RNF38: variants seen among roughly 807,000 people sequenced by gnomAD.
RNF38 encodes the protein ring finger protein 38.
In RNF38, 15 loss-of-function variants were observed where a neutral mutation model predicts 67.2. That is an observed-to-expected ratio of 0.22 (90% CI 0.15 to 0.34). The LOEUF (loss-of-function observed/expected upper bound fraction) is 0.34, where lower values mean the gene tolerates loss of function less well. Ranked by LOEUF, RNF38 falls within the 10% of genes least tolerant of loss-of-function variation. RNF38 has a pLI of 1.00. For synonymous variants in RNF38, 220 were observed against 218.8 expected (o/e 1.01, Z -0.05); for missense variants, 524 against 639.9 (o/e 0.82, Z 1.95).
chr9:36,410,839 G>A (rs1419037082), intron 2 of RNF38, among the ~76,000 whole-genome samples: 3 of 152,214 alleles, frequency 2.0e-5, no homozygotes, highest in African/African-American at 7.2e-5. Flanking sequence ...GAGTCTGAAA[G>A]TAGTCTAGGA....
At chr9:36,445,890 G>A (rs1839289638) in intron 1 of RNF38, among the ~76,000 whole-genome samples, 1 of 152,292 alleles carries the variant, frequency 6.6e-6, no homozygotes, top group Middle Eastern at 3.4e-3. Flanking sequence ...TCAACTATCA[G>A]GCTCAAACGA....
chr9:36,362,317 C>A (rs1312165027), intron 4 of RNF38, among the ~76,000 whole-genome samples: 1 of 151,168 alleles, frequency 6.6e-6, no homozygotes, highest in African/African-American at 2.4e-5. Flanking sequence ...AAGATCGAGC[C>A]ATTGCACTCC....
chr9:36,347,799 C>T (rs1033934921), intron 9 of RNF38, among the ~76,000 whole-genome samples: 4 of 152,106 alleles, frequency 2.6e-5, no homozygotes, highest in African/African-American at 7.2e-5. Context: ...ATGATTAGGC[C>T]GGGCACAGTG....
chr9:36,425,151 A>G (rs528148774), intron 1 of RNF38, among the ~76,000 whole-genome samples: 2 of 152,372 alleles, frequency 1.3e-5, no homozygotes, highest in African/African-American at 4.8e-5. Context: ...ATTATTTTAA[A>G]TGTATACCAA....
chr9:36,367,539 G>A (rs1284663277), intron 4 of RNF38, among the ~76,000 whole-genome samples: 1 of 151,618 alleles, frequency 6.6e-6, no homozygotes, highest in African/African-American at 2.4e-5. Context: ...ACATCACTAG[G>A]TATATTAAAA....
At chr9:36,388,772 ATTC>A (rs1182589223) in intron 2 of RNF38, among the ~76,000 whole-genome samples, 1 of 152,212 alleles carries the variant, frequency 6.6e-6, no homozygotes, top group Non-Finnish European at 1.5e-5. Flanking sequence ...AAAACAGATT[ATTC>A]TAAAAAGAAG....
intron 2 of RNF38, among the ~76,000 whole-genome samples, chr9:36,410,641 C>A (rs1455325288): frequency 6.6e-6 from 1 of 152,228 alleles, no homozygotes; most frequent in Admixed American, 6.5e-5. Flanking sequence ...CTGAGGCCTG[C>A]GGATAAGACA....
In RNF38 at chr9:36,465,081, C is replaced by A. The variant is rs149404707; in HGVS notation, n.241+22227G>T. On this transcript the variant is annotated intron_variant and non_coding_transcript_variant, in intron 1 of 3. Transcript: ENST00000488058. ...TACCACTTCCCACCCACTAGGAGGGCTATAATCAAAAAGACAGATAACAGA... is the reference window on the plus strand; with the variant it reads ...TACCACTTCCCACCCACTAGGAGGGATATAATCAAAAAGACAGATAACAGA... Among the ~76,000 whole-genome samples, 1,354 of 152,234 alleles carry A rather than the reference C, an allele frequency of 8.9e-3. 13 individuals are homozygous for A. The highest frequency in any genetic ancestry group is 0.014 in the Non-Finnish European group (960 of 68,002).
At chr9:36,406,112 A>G (rs559555748), upstream of RNF38, among the ~76,000 whole-genome samples, 127 of 152,304 alleles carry the variant, frequency 8.3e-4, 1 homozygote, top group Non-Finnish European at 1.5e-3. Flanking sequence ...AAGCTCCTCA[A>G]GTCTCAGTTC....
At chr9:36,386,708 A>G (rs1375388078) in intron 2 of RNF38, among the ~76,000 whole-genome samples, 2 of 152,224 alleles carry the variant, frequency 1.3e-5, no homozygotes, top group Non-Finnish European at 1.5e-5. Context: ...CAAGATGGTG[A>G]TGACAATGAC....
chr9:36,400,861 C>A (rs1364187107), upstream of RNF38: 3 of 985,026 alleles, frequency 3.0e-6, no homozygotes, highest in Non-Finnish European at 3.6e-6. Flanking sequence ...GGCCCCGTCC[C>A]GCAACACCGC....
At chr9:36,397,814 G>A (rs1273914652) in intron 1 of RNF38, among the ~76,000 whole-genome samples, 1 of 152,064 alleles carries the variant, frequency 6.6e-6, no homozygotes, top group Non-Finnish European at 1.5e-5. Context: ...ATCTAAATTT[G>A]CCTACACAAA....
chr9:36,423,546 T>G (rs1273084675), intron 2 of RNF38, among the ~76,000 whole-genome samples: 1 of 152,006 alleles, frequency 6.6e-6, no homozygotes, highest in African/African-American at 2.4e-5. Context: ...AAATTGATGG[T>G]GAAAAAGACT....
At chr9:36,378,242 T>C (rs987339974) in intron 2 of RNF38, among the ~76,000 whole-genome samples, 31 of 147,398 alleles carry the variant, frequency 2.1e-4, no homozygotes, top group African/African-American at 7.5e-4. Context: ...AGTGACGCCA[T>C]CTTGGCTCAC....
chr9:36,484,105 C>T (rs1221653211), intron 1 of RNF38, among the ~76,000 whole-genome samples: 1 of 152,206 alleles, frequency 6.6e-6, no homozygotes, highest in Non-Finnish European at 1.5e-5. Flanking sequence ...GGTTCTCAAA[C>T]TTTAGTGGGC....
At chr9:36,393,484 T>TGTGTGTGTGC (rs1837278776) in intron 1 of RNF38, among the ~76,000 whole-genome samples, 1 of 129,512 alleles carries the variant, frequency 7.7e-6, no homozygotes, top group Admixed American at 7.4e-5. Flanking sequence ...ACATTGTGTG[T>TGTGTGTGTGC]GTGTGTGTGT....
chr9:36,458,957 C>T (rs1197702511), intron 1 of RNF38, among the ~76,000 whole-genome samples: 4 of 152,086 alleles, frequency 2.6e-5, no homozygotes, highest in Non-Finnish European at 5.9e-5. Flanking sequence ...CACCTGTAAT[C>T]CCAGCACTTT....
chr9:36,362,449 AAAGCACGAACATC>A (rs1834624678), intron 4 of RNF38, among the ~76,000 whole-genome samples: 1 of 133,862 alleles, frequency 7.5e-6, no homozygotes, highest in South Asian at 2.7e-4. Flanking sequence ...CAAAGTACAT[AAAGCACGAACATC>A]AAGACTACAA....
At position 36,476,832 on chromosome 9, in the gene RNF38, T is replaced by C. The variant is rs141768583; in HGVS notation, n.241+10476A>G. Among the ~76,000 whole-genome samples, 1,264 of 152,208 alleles carry C rather than the reference T, an allele frequency of 8.3e-3. 16 individuals carry two copies. Among genetic ancestry groups the C allele is most frequent in the African/African-American group, 0.029 (1,207 of 41,520 alleles). ...TGTTTCCTAATCCAGGACAAAATTA[T>C]GCTGGCGGGTAAGAATAAAGGTCTA... On this transcript the variant is annotated intron_variant and non_coding_transcript_variant, in intron 1 of 3. Coordinates refer to the RNF38 transcript ENST00000488058.
Sources: gnomAD v4.1 joint callset for allele counts (sites outside exome capture counted in the v4.1 genomes callset) on GRCh38, gnomAD v4.1.1 for gene constraint, MANE v1.5 for transcripts, NCBI Gene and HGNC (gene_info 2026-07-23, HGNC 2026-07-21) for gene names.